Variants in GSE1 observed in about 807,000 individuals in gnomAD.
GSE1 encodes genetic suppressor element 1.
GSE1 carries 32 observed loss-of-function variants against 112.6 expected under a neutral mutation model. That is an observed-to-expected ratio of 0.28 (90% confidence interval 0.21 to 0.38). The LOEUF is 0.38. Ranked by LOEUF, GSE1 falls within the 10% of genes least tolerant of loss-of-function variation. The pLI, the probability that GSE1 is intolerant of heterozygous loss-of-function variation, is 1.00. For synonymous variants in GSE1, 1,115 were observed against 735.6 expected, an observed-to-expected ratio of 1.52 and a Z score of -8.35; for missense variants, 2,348 against 1,699.2, an observed-to-expected ratio of 1.38 and a Z score of -6.71.
chr16:85,439,935 C>T (rs1329372616), intron 2 of GSE1, among the ~76,000 whole-genome samples: 2 of 152,210 alleles, frequency 1.3e-5, no homozygotes, highest in African/African-American at 4.8e-5. Context: ...CACAGGCATA[C>T]GCAGAGACAC....
At chr16:85,313,959 G>T (rs931482209) in intron 1 of GSE1, among the ~76,000 whole-genome samples, 1 of 138,544 alleles carries the variant, frequency 7.2e-6, no homozygotes, top group Admixed American at 6.8e-5. Flanking sequence ...ACATAGCCTA[G>T]TGTGTGTGTG....
chr16:85,450,407 C>T (rs1259982312), intron 2 of GSE1, among the ~76,000 whole-genome samples: 6 of 151,682 alleles, frequency 4.0e-5, no homozygotes, highest in Admixed American at 2.6e-4. Context: ...CATGAGCCAC[C>T]GTGCCCAGCC....
chr16:85,262,312 T>C (rs1461065024), intron 1 of GSE1, among the ~76,000 whole-genome samples: 1 of 152,196 alleles, frequency 6.6e-6, no homozygotes, highest in African/African-American at 2.4e-5. Context: ...CATATTTCCT[T>C]TTATCATGTG....
At chr16:85,513,260 C>T (rs1396002658) in intron 2 of GSE1, among the ~76,000 whole-genome samples, 5 of 152,142 alleles carry the variant, frequency 3.3e-5, no homozygotes, top group Admixed American at 1.3e-4. Flanking sequence ...TTTTCCCTCC[C>T]GGCTCAGAGA....
At chr16:85,356,734 C>G (rs2046958076) in intron 1 of GSE1, among the ~76,000 whole-genome samples, 1 of 152,242 alleles carries the variant, frequency 6.6e-6, no homozygotes, top group South Asian at 2.1e-4. Flanking sequence ...TCAAGCCATC[C>G]TCCTGCCTCA....
chr16:85,496,641 A>T (rs550010337), intron 2 of GSE1, among the ~76,000 whole-genome samples: 1 of 152,352 alleles, frequency 6.6e-6, no homozygotes, highest in East Asian at 1.9e-4. Context: ...GGGAGCTGGG[A>T]CCATGCTGTC....
At chr16:85,594,746 G>A (rs1189484843) in intron 1 of GSE1, 1 of 152,304 alleles carries the variant, frequency 6.6e-6, no homozygotes. Flanking sequence ...AGGACAGAAT[G>A]TGGATAAAGT....
intron 2 of GSE1, among the ~76,000 whole-genome samples, chr16:85,383,916 T>A (rs2047625409): frequency 6.6e-6 from 1 of 152,198 alleles, no homozygotes; most frequent in African/African-American, 2.4e-5. Flanking sequence ...ATTGTGTCCT[T>A]GGCCCAGGAG....
chr16:85,591,250 T>C (rs2046991741), intron 1 of GSE1, among the ~76,000 whole-genome samples: 1 of 152,150 alleles, frequency 6.6e-6, no homozygotes, highest in East Asian at 1.9e-4. Context: ...GCCCTCCTGG[T>C]TTATTTCCAG....
In GSE1 at chr16:85,656,238, A is replaced by T. The variant is rs967678997; in HGVS notation, c.990-105A>T. ...CGGCTCACCTCCCGTCACTGTTCAG[A>T]TTAGCGCCCTGGCTCGTTCCTGGTT... On this transcript the variant is annotated intron_variant, in intron 6 of 15. Transcript: ENST00000253458. 5.7e-6 allele frequency: 8 copies of T among 1,411,706 alleles called. No individual in the cohort carries two copies. The South Asian group carries it at 8.0e-5, about 14-fold the overall frequency. 87.4% of individuals were successfully genotyped at this position (1,411,706 alleles called of 1,614,324 possible). A position where few individuals can be genotyped will look rare whatever the true frequency, so the allele number is the denominator to read the frequency against.
At chr16:85,381,052 AC>A (rs1325256090) in intron 2 of GSE1, among the ~76,000 whole-genome samples, 1 of 152,194 alleles carries the variant, frequency 6.6e-6, no homozygotes, top group African/African-American at 2.4e-5. Context: ...CAGTGCAAAA[AC>A]ATTTCGTCAC....
chr16:85,246,500 A>ACCCCCCCCCCCCCCCCC (rs745863746), intron 1 of GSE1, among the ~76,000 whole-genome samples: 1 of 18,500 alleles, frequency 5.4e-5, no homozygotes, highest in African/African-American at 1.7e-4. Flanking sequence ...CACTCTACAC[A>ACCCCCCCCCCCCCCCCC]CCCCCCCCCC....
intron 1 of GSE1, among the ~76,000 whole-genome samples, chr16:85,613,666 G>T: frequency 6.6e-6 from 1 of 151,612 alleles, no homozygotes; most frequent in South Asian, 2.1e-4. Context: ...CGGGGGATGG[G>T]GGGGGTGCGT....
chr16:85,639,503 C>T (rs1317403815), intron 2 of GSE1, among the ~76,000 whole-genome samples: 1 of 145,920 alleles, frequency 6.9e-6, no homozygotes, highest in African/African-American at 2.5e-5. Flanking sequence ...GGGCGCCAGG[C>T]CTAGCCTGCC....
At chr16:85,626,631 G>T (rs932816608) in intron 1 of GSE1, among the ~76,000 whole-genome samples, 1 of 152,198 alleles carries the variant, frequency 6.6e-6, no homozygotes, top group Non-Finnish European at 1.5e-5. Flanking sequence ...AGGGGGAAGG[G>T]GCGGATTGGT....
intron 1 of GSE1, among the ~76,000 whole-genome samples, chr16:85,291,482 G>GC (rs1240034584): frequency 6.6e-6 from 1 of 152,146 alleles, no homozygotes; most frequent in Non-Finnish European, 1.5e-5. Flanking sequence ...TCCTCCCCCG[G>GC]CCCCCGCGTG....
intron 1 of GSE1, among the ~76,000 whole-genome samples, chr16:85,562,745 G>T (rs532317337): frequency 1.3e-5 from 2 of 152,318 alleles, no homozygotes; most frequent in East Asian, 1.9e-4. Flanking sequence ...TCCCAGGGGG[G>T]TTCCCTCTCA....
intron 1 of GSE1, among the ~76,000 whole-genome samples, chr16:85,326,499 T>C (rs2046230741): frequency 6.6e-6 from 1 of 152,084 alleles, no homozygotes; most frequent in Non-Finnish European, 1.5e-5. Context: ...CTTGGGGGCG[T>C]TTCCCCTATG....
intron 1 of GSE1, among the ~76,000 whole-genome samples, chr16:85,192,124 C>T (rs994886588): frequency 1.3e-5 from 2 of 152,264 alleles, no homozygotes; most frequent in Non-Finnish European, 2.9e-5. Context: ...CACTCAGACA[C>T]GTGCAGGGTG....
Sources: allele counts gnomAD v4.1 joint callset (sites outside exome capture counted in the v4.1 genomes callset), GRCh38; gene constraint gnomAD v4.1.1; transcripts MANE v1.5; gene names NCBI Gene and HGNC (gene_info 2026-07-23, HGNC 2026-07-21).